PCDH15: variants seen among roughly 807,000 people sequenced by gnomAD.
PCDH15 encodes the protein protocadherin-15.
PCDH15 carries 129 observed loss-of-function variants against 178.5 expected under a neutral mutation model. The observed-to-expected ratio is 0.72, with a 90% confidence interval of 0.63 to 0.84. The LOEUF is 0.84. Among genes scored for constraint, PCDH15 ranks in the 40% least tolerant of loss-of-function variants. The probability of loss-of-function intolerance (pLI) is 0.00; values close to 1 mark genes in which losing one functional copy is unlikely to be tolerated. For synonymous variants in PCDH15, 800 were observed against 732.0 expected, an observed-to-expected ratio of 1.09 and a Z score of -1.50; for missense variants, 2,230 against 2,099.9, an observed-to-expected ratio of 1.06 and a Z score of -1.21.
intron 15 of PCDH15, among the ~76,000 whole-genome samples, chr10:54,116,403 A>G (rs2095113915): frequency 6.6e-6 from 1 of 152,194 alleles, no homozygotes; most frequent in African/African-American, 2.4e-5. Flanking sequence ...ACAGAAATGG[A>G]TAAATTGCTA....
intron 2 of PCDH15, among the ~76,000 whole-genome samples, chr10:55,413,580 T>A (rs1838399736): frequency 6.6e-6 from 1 of 151,676 alleles, no homozygotes; most frequent in Non-Finnish European, 1.5e-5. Context: ...TGTATTTTTT[T>A]CAACTTTAAA....
chr10:54,346,613 T>C, intron 5 of PCDH15, 129 bp from the exon 6 acceptor site: 1 of 1,042,704 alleles, frequency 9.6e-7, no homozygotes, highest in Non-Finnish European at 1.5e-6. Flanking sequence ...AACCACAAAC[T>C]GAAGTGTTTC....
At chr10:53,898,276 T>C (rs1258009401) in intron 26 of PCDH15, among the ~76,000 whole-genome samples, 1 of 152,080 alleles carries the variant, frequency 6.6e-6, no homozygotes. Flanking sequence ...CCCATATGGG[T>C]TGTTTCTAAT....
intron 3 of PCDH15, among the ~76,000 whole-genome samples, chr10:54,421,670 A>ATAT: frequency 1.6e-5 from 1 of 64,474 alleles, no homozygotes; most frequent in Admixed American, 1.3e-4. Context: ...GTGTATATAT[A>ATAT]CATATATATA....
intron 28 of PCDH15, among the ~76,000 whole-genome samples, chr10:53,847,227 G>A (rs1253648707): frequency 6.6e-6 from 1 of 151,954 alleles, no homozygotes; most frequent in African/African-American, 2.4e-5. Flanking sequence ...CTGTTGTGAT[G>A]GTTACAAGAA....
At chr10:54,030,986 T>C (rs751833460) in intron 18 of PCDH15, among the ~76,000 whole-genome samples, 6 of 151,990 alleles carry the variant, frequency 3.9e-5, no homozygotes, top group Non-Finnish European at 8.8e-5. Flanking sequence ...ATGAAGCTCA[T>C]GTGGTGCAAG....
intron 10 of PCDH15, among the ~76,000 whole-genome samples, chr10:54,211,297 G>A (rs535977447): frequency 3.5e-4 from 54 of 152,240 alleles, no homozygotes; most frequent in Non-Finnish European, 7.1e-4. Context: ...ACATAAACAT[G>A]TACTGCCCTG....
At chr10:55,056,028 G>T (rs1841290783) in intron 2 of PCDH15, among the ~76,000 whole-genome samples, 1 of 151,932 alleles carries the variant, frequency 6.6e-6, no homozygotes, top group Admixed American at 6.6e-5. Context: ...CTTCTCCATT[G>T]TCACAACGCT....
chr10:55,374,674 C>T (rs1322026149), intron 2 of PCDH15, among the ~76,000 whole-genome samples: 1 of 151,760 alleles, frequency 6.6e-6, no homozygotes, highest in Non-Finnish European at 1.5e-5. Flanking sequence ...TAAAAAGATT[C>T]TATACAGTTA....
At chr10:54,679,219 T>C (rs1243812480) in intron 1 of PCDH15, among the ~76,000 whole-genome samples, 1 of 149,110 alleles carries the variant, frequency 6.7e-6, no homozygotes, top group East Asian at 2.0e-4. Context: ...AAACATACAA[T>C]TGACAATAAT....
intron 1 of PCDH15, among the ~76,000 whole-genome samples, chr10:54,700,319 T>A (rs1240750470): frequency 6.6e-6 from 1 of 152,186 alleles, no homozygotes; most frequent in Non-Finnish European, 1.5e-5. Flanking sequence ...GTGATCATCC[T>A]CCAGATGATC....
rs538630308 is a variant in PCDH15, at chr10:54,518,696, C to T, written c.157+9116G>A. On this transcript the variant is annotated intron_variant, in intron 3 of 37. Coordinates refer to ENST00000644397, the MANE Select transcript of PCDH15 (RefSeq NM_001384140.1). ...AATCAATAGAAAAAGAGGGAATCCT[C>T]CCTAACTCATTTTATGAGGCCAGCA... Among the ~76,000 whole-genome samples, 270 of 152,280 alleles carry T rather than the reference C, an allele frequency of 1.8e-3. 2 individuals are homozygous for T. Among genetic ancestry groups the T allele is most frequent in the Non-Finnish European group, 1.8e-3 (125 of 68,018 alleles).
chr10:54,755,300 C>A (rs1946922132), intron 1 of PCDH15, among the ~76,000 whole-genome samples: 1 of 152,030 alleles, frequency 6.6e-6, no homozygotes, highest in Non-Finnish European at 1.5e-5. Context: ...TTAGGAGGAA[C>A]CCAGTATAGT....
chr10:55,014,754 G>A (rs776933259), intron 2 of PCDH15, among the ~76,000 whole-genome samples: 10 of 152,022 alleles, frequency 6.6e-5, no homozygotes, highest in Non-Finnish European at 1.5e-4. Context: ...AGAGACACAT[G>A]CTACTTTACT....
intron 2 of PCDH15, among the ~76,000 whole-genome samples, chr10:54,651,505 G>A (rs2094260468): frequency 6.6e-6 from 1 of 152,152 alleles, no homozygotes; most frequent in Admixed American, 6.5e-5. Flanking sequence ...TCTGCAGTAA[G>A]CAAAGCCATA....
At chr10:54,105,275 GAGATATATAT>G (rs1314925250) in intron 15 of PCDH15, among the ~76,000 whole-genome samples, 2 of 47,838 alleles carry the variant, frequency 4.2e-5, no homozygotes, top group African/African-American at 1.7e-4. Context: ...CATATAGATG[GAGATATATAT>G]ATATATATAT....
At chr10:54,229,634 G>T (rs1246526541) in intron 9 of PCDH15, among the ~76,000 whole-genome samples, 1 of 152,140 alleles carries the variant, frequency 6.6e-6, no homozygotes, top group Non-Finnish European at 1.5e-5. Flanking sequence ...GGTATTAAAA[G>T]TGGGAGTTTC....
intron 25 of PCDH15, among the ~76,000 whole-genome samples, chr10:53,918,631 GA>G (rs1039070919): frequency 6.0e-4 from 91 of 152,050 alleles, no homozygotes; most frequent in African/African-American, 2.2e-3. Flanking sequence ...TGAAGGAAGA[GA>G]AAAAAATGCC....
chr10:54,220,795 A>AGCCT (rs1380901092), intron 9 of PCDH15, among the ~76,000 whole-genome samples: 1 of 151,838 alleles, frequency 6.6e-6, no homozygotes, highest in Non-Finnish European at 1.5e-5. Context: ...ACTGCACTCC[A>AGCCT]GCCTGGGCGA....
Sources: allele counts gnomAD v4.1 joint callset (sites outside exome capture counted in the v4.1 genomes callset), GRCh38; gene constraint gnomAD v4.1.1; transcripts MANE v1.5; gene names NCBI Gene and HGNC (gene_info 2026-07-23, HGNC 2026-07-21).